MPP7: variants seen among roughly 807,000 people sequenced by gnomAD.
The protein encoded by MPP7 is MAGUK p55 subfamily member 7.
A neutral mutation model predicts 76.5 loss-of-function variants in MPP7; 60 were observed. The observed-to-expected ratio is 0.78, with a 90% CI of 0.64 to 0.97. The LOEUF is 0.97. Among genes scored for constraint, MPP7 ranks in the 50% least tolerant of loss-of-function variants. MPP7 has a pLI of 0.00. For missense variants in MPP7, 641 were observed against 694.0 expected (o/e 0.92, Z 0.86); for synonymous variants, 237 against 244.5 (o/e 0.97, Z 0.29).
intron 4 of MPP7, among the ~76,000 whole-genome samples, chr10:28,148,227 C>T (rs1835771538): frequency 6.6e-6 from 1 of 152,096 alleles, no homozygotes; most frequent in African/African-American, 2.4e-5. Flanking sequence ...CCAAGAATTC[C>T]CATTTTGGGT....
intron 12 of MPP7, among the ~76,000 whole-genome samples, chr10:28,077,049 A>G (rs1008029022): frequency 5.5e-5 from 8 of 146,122 alleles, no homozygotes; most frequent in Non-Finnish European, 8.9e-5. Context: ...TAGGTCTAGC[A>G]CTTCCTTTCT....
chr10:28,106,863 T>A (rs1236782954), intron 11 of MPP7, among the ~76,000 whole-genome samples: 2 of 152,212 alleles, frequency 1.3e-5, no homozygotes, highest in African/African-American at 4.8e-5. Flanking sequence ...TCATTGTCTT[T>A]ATGTGCTCTA....
At chr10:28,253,997 C>CAAAA (rs74613123) in intron 1 of MPP7, among the ~76,000 whole-genome samples, 1 of 11,938 alleles carries the variant, frequency 8.4e-5, no homozygotes, top group Non-Finnish European at 1.9e-4. Flanking sequence ...GTCTGTCTCA[C>CAAAA]AAAAAAGAAA....
At chr10:28,076,894 A>G (rs939814164) in intron 12 of MPP7, among the ~76,000 whole-genome samples, 1 of 151,934 alleles carries the variant, frequency 6.6e-6, no homozygotes, top group Non-Finnish European at 1.5e-5. Flanking sequence ...TCTGAAAAAA[A>G]AAAAAAAATG....
Position 28,131,632 on chromosome 10 carries a change from A to G in MPP7, c.375T>C (p.Pro125=), listed in dbSNP as rs1271347355. The G allele has an allele frequency of 6.2e-7, 1 of 1,606,676 alleles. No individual in the cohort carries two copies. The highest frequency in any genetic ancestry group is 1.7e-5 in the Admixed American group (1 of 59,830). The change falls in exon 6 of 17, where the codon CCT becomes CCC. Residue 125 remains proline, a synonymous_variant. Transcript: ENST00000683449. ...AQKNYDPVLP[P]MPEDIDDEED... is the part of the protein sequence containing the mutation. ...CCTCATCGTCAATATCTTCAGGCAT[A>G]GGAGGCAACACTGGGTCGTAATTCT...
chr10:28,083,006 A>T (rs968186518), intron 12 of MPP7, among the ~76,000 whole-genome samples: 4 of 152,332 alleles, frequency 2.6e-5, no homozygotes, highest in Non-Finnish European at 2.9e-5. Context: ...TGTTTTTATT[A>T]TCTCAAATTT....
At chr10:28,232,967 G>T (rs900744823) in intron 2 of MPP7, among the ~76,000 whole-genome samples, 8 of 152,040 alleles carry the variant, frequency 5.3e-5, no homozygotes, top group Non-Finnish European at 1.0e-4. Context: ...TATGATGCTT[G>T]TAAAAATCAT....
intron 11 of MPP7, among the ~76,000 whole-genome samples, chr10:28,094,705 A>C (rs1853481691): frequency 6.6e-6 from 1 of 152,210 alleles, no homozygotes; most frequent in Non-Finnish European, 1.5e-5. Context: ...ATAGTATAAA[A>C]CAGATAAAAT....
chr10:28,121,009 G>C (rs1834818154), intron 8 of MPP7, among the ~76,000 whole-genome samples: 1 of 152,082 alleles, frequency 6.6e-6, no homozygotes, highest in South Asian at 2.1e-4. Flanking sequence ...TCAATGACTA[G>C]AACAGATAAT....
chr10:28,318,649 C>T (rs1441390940), intron 2 of MPP7, among the ~76,000 whole-genome samples: 1 of 152,120 alleles, frequency 6.6e-6, no homozygotes, highest in Non-Finnish European at 1.5e-5. Flanking sequence ...CATGCCACTG[C>T]ACTCCAGCCT....
intron 11 of MPP7, among the ~76,000 whole-genome samples, chr10:28,093,480 T>G (rs1440635908): frequency 1.3e-5 from 2 of 151,178 alleles, no homozygotes; most frequent in Admixed American, 6.6e-5. Context: ...GGGTCTCACT[T>G]CTGTGGCTCA....
intron 3 of MPP7, among the ~76,000 whole-genome samples, chr10:28,164,793 T>C (rs945467342): frequency 5.3e-5 from 8 of 152,050 alleles, no homozygotes; most frequent in Admixed American, 1.3e-4. Context: ...GTAAGAGACA[T>C]TGGAGACTCA....
chr10:28,073,533 G>T (rs1178604835), intron 12 of MPP7, among the ~76,000 whole-genome samples: 1 of 152,138 alleles, frequency 6.6e-6, no homozygotes, highest in Non-Finnish European at 1.5e-5. Context: ...ACTTTGGGAG[G>T]CCAAGGCAGG....
chr10:28,093,879 G>C (rs142909812), intron 11 of MPP7, among the ~76,000 whole-genome samples: 7 of 152,340 alleles, frequency 4.6e-5, no homozygotes, highest in Middle Eastern at 3.4e-3. Flanking sequence ...GATGTCAGTT[G>C]TGCAAGGCTT....
chr10:28,232,390 C>CACACACACACACAT (rs1491086040), intron 2 of MPP7, among the ~76,000 whole-genome samples: 2 of 142,728 alleles, frequency 1.4e-5, no homozygotes, highest in African/African-American at 5.1e-5. Flanking sequence ...CACACACACA[C>CACACACACACACAT]AAATTGATTG....
At chr10:28,233,356 C>T (rs988631244) in intron 2 of MPP7, among the ~76,000 whole-genome samples, 13 of 152,154 alleles carry the variant, frequency 8.5e-5, no homozygotes, top group African/African-American at 2.9e-4. Context: ...TGTGTTTACG[C>T]ATGGGTTAAC....
At chr10:28,112,016 T>C (rs1207845749) in intron 11 of MPP7, among the ~76,000 whole-genome samples, 1 of 152,174 alleles carries the variant, frequency 6.6e-6, no homozygotes, top group East Asian at 1.9e-4. Flanking sequence ...ATTTTTCAAA[T>C]ACCTATGGAT....
intron 2 of MPP7, among the ~76,000 whole-genome samples, chr10:28,226,053 C>T (rs1666283547): frequency 6.6e-6 from 1 of 152,088 alleles, no homozygotes; most frequent in South Asian, 2.1e-4. Flanking sequence ...TATTATTCCA[C>T]CATAAAAAGA....
chr10:28,096,576 A>G (rs1853580391), intron 11 of MPP7, among the ~76,000 whole-genome samples: 2 of 152,174 alleles, frequency 1.3e-5, no homozygotes, highest in South Asian at 4.1e-4. Context: ...TAAGGTTTTC[A>G]ATTTTCCTTT....
Sources: allele counts gnomAD v4.1 joint callset (sites outside exome capture counted in the v4.1 genomes callset), GRCh38; gene constraint gnomAD v4.1.1; transcripts MANE v1.5; gene names NCBI Gene and HGNC (gene_info 2026-07-23, HGNC 2026-07-21).